The following LUZP2 variants were observed in gnomAD, a reference collection of about 807,000 sequenced individuals.
The protein encoded by LUZP2 is leucine zipper protein 2.
A neutral mutation model predicts 51.6 loss-of-function variants in LUZP2; 52 were observed. That is an observed-to-expected ratio of 1.01 (90% CI 0.81 to 1.27). The LOEUF (loss-of-function observed/expected upper bound fraction) is 1.27. Among genes scored for constraint, LUZP2 ranks in the 50% most tolerant of loss-of-function variants. The probability of loss-of-function intolerance (pLI) is 0.00; values close to 1 mark genes in which losing one functional copy is unlikely to be tolerated. For synonymous variants in LUZP2, 154 were observed against 137.3 expected (o/e 1.12, Z -0.85); for missense variants, 436 against 395.4 (o/e 1.10, Z -0.87).
intron 5 of LUZP2, among the ~76,000 whole-genome samples, chr11:24,899,273 A>T (rs1432759364): frequency 6.6e-6 from 1 of 152,098 alleles, no homozygotes; most frequent in Non-Finnish European, 1.5e-5. Context: ...CGTGTGATTT[A>T]GTAATTATGT....
Position 25,081,404 on chromosome 11 carries a change from TTGCATCATTTGTTTAAAAAAAAAAAA to T in LUZP2, c.*2747_*2772del, listed in dbSNP as rs1451501709. On this transcript the variant is annotated 3_prime_UTR_variant, in exon 12 of 12. Transcript: ENST00000336930. ...AGCAAAGTTTACTGTGTTATACTCATTGCATCATTTGTTTAAAAAAAAAAAAGAAACTTGTAGCAGGAGACATTTAA... is the reference window on the plus strand; with the variant it reads ...AGCAAAGTTTACTGTGTTATACTCATGAAACTTGTAGCAGGAGACATTTAA... The T allele has an allele frequency of 6.6e-6, 1 of 151,774 alleles. No homozygotes were observed. The highest frequency in any genetic ancestry group is 1.5e-5 in the Non-Finnish European group (1 of 67,974). 9.4% of individuals were successfully genotyped at this position (151,774 alleles called of 1,614,324 possible). A position where few individuals can be genotyped will look rare whatever the true frequency, so the allele number is the denominator to read the frequency against.
intron 9 of LUZP2, among the ~76,000 whole-genome samples, chr11:25,003,164 G>A (rs1856738729): frequency 6.6e-6 from 1 of 152,174 alleles, no homozygotes; most frequent in Non-Finnish European, 1.5e-5. Flanking sequence ...CTGCTGGCAT[G>A]AGGCTTCCAA....
chr11:24,602,245 T>TACATACATATATACACAC, intron 1 of LUZP2, among the ~76,000 whole-genome samples: 1 of 79,084 alleles, frequency 1.3e-5, no homozygotes, highest in Non-Finnish European at 2.8e-5. Context: ...TGTATATATG[T>TACATACATATATACACAC]ATATATATGC....
chr11:24,658,448 G>A (rs1274001540), intron 1 of LUZP2, among the ~76,000 whole-genome samples: 1 of 152,142 alleles, frequency 6.6e-6, no homozygotes, highest in Admixed American at 6.5e-5. Flanking sequence ...AGACTTAAAT[G>A]TTAGACCTAA....
At chr11:24,633,946 G>A (rs1854983930) in intron 1 of LUZP2, among the ~76,000 whole-genome samples, 1 of 126,524 alleles carries the variant, frequency 7.9e-6, no homozygotes, top group African/African-American at 3.0e-5. Flanking sequence ...ACACGTGTGT[G>A]TGTGTGTGTG....
At chr11:25,027,246 G>A (rs1464017391) in intron 9 of LUZP2, among the ~76,000 whole-genome samples, 2 of 151,984 alleles carry the variant, frequency 1.3e-5, no homozygotes, top group African/African-American at 2.4e-5. Context: ...TTAATAATGG[G>A]ATAATTCATA....
At chr11:24,499,873 A>G (rs1034012920) in intron 1 of LUZP2, among the ~76,000 whole-genome samples, 2 of 152,182 alleles carry the variant, frequency 1.3e-5, no homozygotes, top group African/African-American at 4.8e-5. Context: ...ATTTTAAAGT[A>G]ATCTGTTCAG....
chr11:24,497,892 A>C (rs1305133282), intron 1 of LUZP2, among the ~76,000 whole-genome samples: 3 of 152,228 alleles, frequency 2.0e-5, no homozygotes, highest in African/African-American at 4.8e-5. Flanking sequence ...ATTAAAGAGC[A>C]CAGAAGGCGA....
intron 4 of LUZP2, among the ~76,000 whole-genome samples, chr11:24,740,578 TTTAC>T (rs1345882904): frequency 6.6e-6 from 1 of 152,146 alleles, no homozygotes; most frequent in Admixed American, 6.6e-5. Context: ...ATTCTGTAAA[TTTAC>T]TAGCTCATTA....
chr11:24,758,885 G>A lies in LUZP2; in HGVS notation c.334-4361G>A, dbSNP rs372982899. Among the ~76,000 whole-genome samples, 4 of 151,528 alleles carry A rather than the reference G, an allele frequency of 2.6e-5. No homozygotes were observed. In the East Asian group the frequency reaches 7.8e-4, roughly 29 times the overall value. On this transcript the variant is annotated intron_variant, in intron 4 of 11. Coordinates refer to ENST00000336930, the MANE Select transcript of LUZP2 (RefSeq NM_001009909.4). ...TTTATTTATCATTTTTTCATTGATT[G>A]AAAAAAGATGATCTTCCTCATTGAA...
Position 24,518,804 on chromosome 11 carries a change from G to A in LUZP2, c.62+21499G>A, listed in dbSNP as rs568564794. On this transcript the variant is annotated intron_variant, in intron 1 of 11. Coordinates refer to ENST00000336930, the MANE Select transcript of LUZP2 (RefSeq NM_001009909.4). ...CTGGGAAGACTGCATAAAACAAAGG[G>A]GCATTCCAGAGAGCAAAGAGAGGGT... Among the ~76,000 whole-genome samples, 4 of 152,254 alleles carry A rather than the reference G, an allele frequency of 2.6e-5. No individual in the cohort carries two copies. The South Asian group carries it at 6.2e-4, about 24-fold the overall frequency.
intron 7 of LUZP2, among the ~76,000 whole-genome samples, chr11:24,958,660 G>C (rs1855287790): frequency 6.6e-6 from 1 of 152,002 alleles, no homozygotes; most frequent in Non-Finnish European, 1.5e-5. Flanking sequence ...TTAGCCCTTT[G>C]TCAGATGAGT....
In LUZP2 at chr11:24,635,751, C is replaced by T. The variant is rs117955104; in HGVS notation, c.63-93418C>T. Among the ~76,000 whole-genome samples the T allele has an allele frequency of 6.7e-3, 1,016 of 152,170 alleles. 10 individuals are homozygous for T. The highest frequency in any genetic ancestry group is 0.014 in the Middle Eastern group (4 of 294). On this transcript the variant is annotated intron_variant, in intron 1 of 11. Coordinates refer to ENST00000336930, the MANE Select transcript of LUZP2 (RefSeq NM_001009909.4). ...CCCTGTGAAACTTGAAACAAATCAACGCAGAGTGCTGGGGAGAACATTTGA... is the reference window on the plus strand; with the variant it reads ...CCCTGTGAAACTTGAAACAAATCAATGCAGAGTGCTGGGGAGAACATTTGA...
intron 1 of LUZP2, among the ~76,000 whole-genome samples, chr11:24,706,785 T>A (rs1857599652): frequency 1.3e-5 from 2 of 152,020 alleles, no homozygotes. Flanking sequence ...TTTCACCATT[T>A]GCTGAGTAAT....
chr11:24,980,494 C>T (rs1304348689), intron 8 of LUZP2, among the ~76,000 whole-genome samples: 1 of 151,368 alleles, frequency 6.6e-6, no homozygotes, highest in Non-Finnish European at 1.5e-5. Flanking sequence ...TGTAACAAAA[C>T]ACTAACCTAT....
chr11:24,601,515 T>C (rs1343275108), intron 1 of LUZP2, among the ~76,000 whole-genome samples: 1 of 151,902 alleles, frequency 6.6e-6, no homozygotes, highest in Non-Finnish European at 1.5e-5. Context: ...TCTTAATAGA[T>C]TACATCCACA....
chr11:24,657,605 G>T (rs1044595986), intron 1 of LUZP2, among the ~76,000 whole-genome samples: 1 of 152,010 alleles, frequency 6.6e-6, no homozygotes, highest in Admixed American at 6.6e-5. Context: ...GGAAATAAAG[G>T]GTATTCAATT....
intron 9 of LUZP2, among the ~76,000 whole-genome samples, chr11:25,026,878 TTTTC>T (rs978731259): frequency 7.9e-5 from 10 of 126,186 alleles, no homozygotes; most frequent in African/African-American, 2.3e-4. Flanking sequence ...TTATTATTTT[TTTTC>T]TTTCTTTATT....
intron 1 of LUZP2, among the ~76,000 whole-genome samples, chr11:24,612,112 A>T (rs1249869183): frequency 6.6e-6 from 1 of 152,172 alleles, no homozygotes. Context: ...GAAGCTAGAA[A>T]AATATATTAA....
Sources: gnomAD v4.1 joint callset for allele counts (sites outside exome capture counted in the v4.1 genomes callset) on GRCh38, gnomAD v4.1.1 for gene constraint, MANE v1.5 for transcripts, NCBI Gene and HGNC (gene_info 2026-07-23, HGNC 2026-07-21) for gene names.